The following SMIM7 variants were observed in gnomAD, a reference collection of about 807,000 sequenced individuals.
The protein encoded by SMIM7 is UPF0608 protein C19orf42.
In SMIM7, 12 loss-of-function variants were observed where a neutral mutation model predicts 13.3. The observed-to-expected ratio is 0.90, with a 90% CI of 0.58 to 1.46. The LOEUF (loss-of-function observed/expected upper bound fraction) is 1.46. Ranked by LOEUF, SMIM7 falls within the 40% of genes most tolerant of loss-of-function variation. The probability of loss-of-function intolerance (pLI) is 0.00; values close to 1 mark genes in which losing one functional copy is unlikely to be tolerated. For synonymous variants in SMIM7, 36 were observed against 35.8 expected (o/e 1.01, Z -0.02); for missense variants, 114 against 94.8 (o/e 1.20, Z -0.84).
chr19:16,637,410 T>C (rs1228442142), intron 4 of SMIM7, among the ~76,000 whole-genome samples: 1 of 152,036 alleles, frequency 6.6e-6, no homozygotes, highest in Admixed American at 6.6e-5. Context: ...GAGGCTGAGG[T>C]GGGAGGATCG....
intron 3 of SMIM7, among the ~76,000 whole-genome samples, chr19:16,655,817 C>T (rs1047659271): frequency 2.0e-5 from 3 of 151,316 alleles, no homozygotes; most frequent in Admixed American, 6.6e-5. Context: ...TCTACTTTTT[C>T]AGGGATGACA....
At chr19:16,642,653 A>C (rs964183116), downstream of SMIM7, among the ~76,000 whole-genome samples, 1 of 152,124 alleles carries the variant, frequency 6.6e-6, no homozygotes, top group Non-Finnish European at 1.5e-5. Flanking sequence ...CAGTTTGAGC[A>C]ACACAGGGAG....
At chr19:16,643,289 T>C (rs2086417970), downstream of SMIM7, among the ~76,000 whole-genome samples, 1 of 152,212 alleles carries the variant, frequency 6.6e-6, no homozygotes, top group Admixed American at 6.5e-5. Context: ...GTTGGAAGAA[T>C]ATGTACCTAG....
chr19:16,651,823 C>T (rs1387705765), intron 4 of SMIM7, among the ~76,000 whole-genome samples: 1 of 138,458 alleles, frequency 7.2e-6, no homozygotes, highest in Admixed American at 7.4e-5. Context: ...AGCATGCTGA[C>T]TTCTTCCCTG....
At chr19:16,652,539 C>G in intron 4 of SMIM7, 1 of 1,092,462 alleles carries the variant, frequency 9.2e-7, no homozygotes. Context: ...GATCTCCTCA[C>G]AAGCCTTCTT....
intron 4 of SMIM7, among the ~76,000 whole-genome samples, chr19:16,638,613 C>T (rs1361692892): frequency 6.6e-6 from 1 of 152,046 alleles, no homozygotes; most frequent in African/African-American, 2.4e-5. Context: ...TGGCCATTAA[C>T]CTCTTTTCTT....
chr19:16,653,099 G>C (rs773950202), intron 4 of SMIM7: 176 of 1,025,460 alleles, frequency 1.7e-4, no homozygotes, highest in African/African-American at 2.7e-4. Context: ...AGATGCAGAA[G>C]AACTGGTGAG....
intron 4 of SMIM7, chr19:16,653,082 C>T (rs1335570407): frequency 1.7e-5 from 20 of 1,185,630 alleles, no homozygotes; most frequent in Non-Finnish European, 2.1e-5. Context: ...ATATTTTCCA[C>T]CTCGGCAGAT....
intron 3 of SMIM7, among the ~76,000 whole-genome samples, chr19:16,656,957 A>G (rs996370098): frequency 3.3e-5 from 5 of 151,872 alleles, no homozygotes; most frequent in African/African-American, 1.2e-4. Context: ...CCAGAGCTCC[A>G]AGTTCTGACC....
rs1247582838 is a variant in SMIM7, at chr19:16,654,079, G to C, written c.168C>G (p.Ile56Met). Residue 56 changes from isoleucine (I) to methionine (M), a missense_variant, in exon 4 of 5, where the codon ATC (isoleucine) becomes ATG (methionine). Coordinates refer to ENST00000487416, the MANE Select transcript of SMIM7 (RefSeq NM_024104.4). ...TGAAGATGTTCCACAGGGCGATGAA[G>C]ATTCGAAAGTATCTGAGGCTCAGCA... Reference protein sequence around the residue: ...EFLLSLRYFRIFIALWNIFMM... With the variant: ...EFLLSLRYFRMFIALWNIFMM... 1 of 1,614,132 alleles carries C rather than the reference G, an allele frequency of 6.2e-7. No individual in the cohort carries two copies. The highest frequency in any genetic ancestry group is 1.7e-5 in the Admixed American group (1 of 60,014).
intron 4 of SMIM7, chr19:16,634,595 G>A (rs2086345217): frequency 6.6e-6 from 1 of 151,948 alleles, no homozygotes; most frequent in Non-Finnish European, 1.5e-5. Context: ...TAGCCAACAT[G>A]GCAAAACCCT....
chr19:16,651,599 T>A (rs1460468268), intron 4 of SMIM7, among the ~76,000 whole-genome samples: 2 of 152,190 alleles, frequency 1.3e-5, no homozygotes, highest in African/African-American at 4.8e-5. Context: ...GTGAAGATGC[T>A]GGTCAAACAG....
At chr19:16,632,054 G>C (rs534032352) in intron 4 of SMIM7, among the ~76,000 whole-genome samples, 1 of 152,070 alleles carries the variant, frequency 6.6e-6, no homozygotes, top group East Asian at 1.9e-4. Flanking sequence ...ATTTTTAGTA[G>C]AGACAGGGTT....
chr19:16,640,314 G>C (rs1289200512), intron 4 of SMIM7: 1 of 152,078 alleles, frequency 6.6e-6, no homozygotes, highest in Non-Finnish European at 1.5e-5. Context: ...TGGGATTACA[G>C]GCATGAGCCT....
chr19:16,647,820 C>T (rs941214654), intron 4 of SMIM7, among the ~76,000 whole-genome samples: 1 of 152,108 alleles, frequency 6.6e-6, no homozygotes, highest in Non-Finnish European at 1.5e-5. Context: ...CAGGAACTTT[C>T]GGTATTATCT....
chr19:16,643,687 G>A (rs1044576931), downstream of SMIM7, among the ~76,000 whole-genome samples: 1 of 151,998 alleles, frequency 6.6e-6, no homozygotes, highest in Non-Finnish European at 1.5e-5. Context: ...ATGAGCCACC[G>A]TACCAGGCCT....
At chr19:16,659,549 G>T in intron 2 of SMIM7, 102 bp from the exon 3 acceptor site, 1 of 1,220,278 alleles carries the variant, frequency 8.2e-7, no homozygotes, top group Non-Finnish European at 1.2e-6. Context: ...TTCAGCCCTG[G>T]CCCTGCCGCA....
At chr19:16,643,038 G>C (rs1273758505), downstream of SMIM7, among the ~76,000 whole-genome samples, 1 of 151,962 alleles carries the variant, frequency 6.6e-6, no homozygotes, top group Non-Finnish European at 1.5e-5. Context: ...TCCTGACCTC[G>C]TGATCCACCC....
chr19:16,642,823 C>CTTTT (rs11323250), downstream of SMIM7, among the ~76,000 whole-genome samples: 1 of 133,518 alleles, frequency 7.5e-6, no homozygotes, highest in Admixed American at 7.6e-5. Context: ...GAGACCTTAT[C>CTTTT]TTTTTTTTTT....
Sources: allele counts gnomAD v4.1 joint callset (sites outside exome capture counted in the v4.1 genomes callset), GRCh38; gene constraint gnomAD v4.1.1; transcripts MANE v1.5; gene names NCBI Gene and HGNC (gene_info 2026-07-23, HGNC 2026-07-21).